Variants in CUBN observed in about 807,000 individuals in gnomAD.
CUBN encodes the protein 460 kDa receptor.
CUBN carries 282 observed loss-of-function variants against 405.3 expected under a neutral mutation model. The ratio of observed to expected loss-of-function variants is 0.70; its 90% CI spans 0.63 to 0.77. CUBN has a LOEUF of 0.77. CUBN is among the 30% of genes least tolerant of loss of function. The pLI is 0.00. For missense variants in CUBN, 4,514 were observed against 4,475.2 expected, an observed-to-expected ratio of 1.01 and a Z score of -0.25; for synonymous variants, 1,684 against 1,617.0, an observed-to-expected ratio of 1.04 and a Z score of -0.99.
At chr10:17,024,644 C>T (rs1300841284) in intron 27 of CUBN, among the ~76,000 whole-genome samples, 2 of 152,086 alleles carry the variant, frequency 1.3e-5, no homozygotes, top group Non-Finnish European at 2.9e-5. Context: ...GCTGAAACTA[C>T]AGGCATGCAG....
In CUBN at chr10:17,115,621, T is replaced by A. The variant is rs757931590; in HGVS notation, c.594-24A>T. Reference sequence around the variant, plus strand: ...AACTGTTGGTTACACAAGAGCACAATGTCAGGGCACGCGCTTTGGGGCCAG... The same window carrying A: ...AACTGTTGGTTACACAAGAGCACAAAGTCAGGGCACGCGCTTTGGGGCCAG... On this transcript the variant is annotated intron_variant, in intron 6 of 66. Coordinates refer to ENST00000377833, the MANE Select transcript of CUBN (RefSeq NM_001081.4). 26 of 1,613,932 alleles carry A rather than the reference T, an allele frequency of 1.6e-5. 1 individual carries two copies. In the Admixed American group the frequency reaches 4.3e-4, roughly 27 times the overall value.
chr10:17,086,625 T>G (rs1189385403), intron 15 of CUBN, among the ~76,000 whole-genome samples: 2 of 152,354 alleles, frequency 1.3e-5, no homozygotes, highest in East Asian at 3.9e-4. Flanking sequence ...GATGTAATCA[T>G]GTCAATCTCT....
At chr10:16,954,350 G>A in intron 32 of CUBN, 39 bp downstream of exon 32, 2 of 1,612,734 alleles carry the variant, frequency 1.2e-6, no homozygotes, top group Non-Finnish European at 1.7e-6. Context: ...GAGCACTGAA[G>A]ATTTCTCTTG....
chr10:16,835,227 GCA>G, intron 63 of CUBN, 32 bp from the exon 64 acceptor site: 1 of 1,527,300 alleles, frequency 6.5e-7, no homozygotes, highest in South Asian at 1.1e-5. Context: ...ATTAATGTAC[GCA>G]TTCCAATATT....
chr10:16,890,381 G>A lies in CUBN; in HGVS notation c.8745C>T (p.Ser2915=). The A allele has an allele frequency of 6.2e-7, 1 of 1,613,124 alleles. No individual in the cohort carries two copies. Among genetic ancestry groups the A allele is most frequent in the Non-Finnish European group, 8.5e-7 (1 of 1,180,024 alleles). The change falls in exon 55 of 67, where the codon TCC becomes TCT. Residue 2915 remains serine, a synonymous_variant. Coordinates refer to ENST00000377833, the MANE Select transcript of CUBN (RefSeq NM_001081.4). The part of the protein sequence containing the change: ...QEAPAQGFSA[S]FVSRCGSNFT... ...CTTAGGGCTACTTACGGCTAACAAA[G>A]GACGCGGAGAAGCCCTGAGCTGGTG...
rs545480350 is a variant in CUBN at position 17,006,984 on chromosome 10, G to C, written c.4168+12849C>G. On this transcript the variant is annotated intron_variant, in intron 28 of 66. Coordinates refer to ENST00000377833, the MANE Select transcript of CUBN (RefSeq NM_001081.4). ...CTGCTCCTGCAAGCTCCCAGCTGAA[G>C]GGTTCGCTCCCTTTGCAAATGTCAC... 2.9e-4 allele frequency among the ~76,000 whole-genome samples: 44 copies of C among 152,262 alleles called. 2 individuals carry two copies. The South Asian group carries it at 9.1e-3, about 32-fold the overall frequency.
rs773120407 is a variant in CUBN, at chr10:17,103,165, T to C, written c.1490A>G (p.Asp497Gly). Residue 497 changes from aspartate to glycine, a missense_variant, in exon 13 of 67, where the codon GAT becomes GGT. This residue lies in a region of CUBN where 1,448 missense variants were observed against 1,388.0 expected (regional missense o/e 1.04). Transcript: ENST00000377833. ...TTTGATAACCCAGAAGCAGTTAACA[T>C]CATGAACATAACCAACATCCGGGCT... is the stretch of plus-strand genomic sequence containing the variant. Reference protein sequence around the residue: ...YRSPDVGYVHDVNCFWVIKTE... With the variant: ...YRSPDVGYVHGVNCFWVIKTE... The C allele has an allele frequency of 6.2e-7, 1 of 1,613,942 alleles. No homozygotes were observed. Among genetic ancestry groups the C allele is most frequent in the South Asian group, 1.1e-5 (1 of 91,078 alleles).
At chr10:16,902,547 T>G (rs1841426730) in intron 51 of CUBN, among the ~76,000 whole-genome samples, 1 of 151,994 alleles carries the variant, frequency 6.6e-6, no homozygotes, top group Admixed American at 6.6e-5. Context: ...GAAACCTGAC[T>G]CTTCTTTGAA....
chr10:16,952,818 C>T (rs1370360384), intron 32 of CUBN, among the ~76,000 whole-genome samples: 5 of 152,040 alleles, frequency 3.3e-5, no homozygotes, highest in African/African-American at 4.8e-5. Flanking sequence ...GAGCAAAATT[C>T]GATGTGAGTC....
chr10:16,921,692 T>C (rs1235387575), intron 43 of CUBN, among the ~76,000 whole-genome samples: 1 of 152,244 alleles, frequency 6.6e-6, no homozygotes, highest in Non-Finnish European at 1.5e-5. Flanking sequence ...TCTCCAGGGC[T>C]TCCCTGACAT....
At chr10:16,977,468 T>C (rs953503615) in intron 31 of CUBN, among the ~76,000 whole-genome samples, 1 of 151,998 alleles carries the variant, frequency 6.6e-6, no homozygotes, top group Non-Finnish European at 1.5e-5. Flanking sequence ...AAAGAAGAAA[T>C]CGGCCATGGG....
intron 46 of CUBN, 53 bp from the exon 47 acceptor site, chr10:16,915,225 C>G: frequency 6.2e-7 from 1 of 1,609,386 alleles, no homozygotes; most frequent in Non-Finnish European, 8.5e-7. Context: ...ATTTCCTTTA[C>G]CCTCTATTCA....
At chr10:16,970,592 A>AG in intron 31 of CUBN, among the ~76,000 whole-genome samples, 1 of 151,434 alleles carries the variant, frequency 6.6e-6, no homozygotes, top group East Asian at 1.9e-4. Context: ...AAAAAAAAAA[A>AG]TCAAAGTGGC....
At chr10:17,016,091 T>G (rs2131774369) in intron 28 of CUBN, among the ~76,000 whole-genome samples, 1 of 152,278 alleles carries the variant, frequency 6.6e-6, no homozygotes, top group African/African-American at 2.4e-5. Flanking sequence ...GGTAATAAAC[T>G]TATCTTTTAG....
chr10:17,057,484 C>T (rs994090734), intron 22 of CUBN, among the ~76,000 whole-genome samples: 1 of 152,020 alleles, frequency 6.6e-6, no homozygotes, highest in African/African-American at 2.4e-5. Context: ...TCAGAATTGT[C>T]AATCATATAG....
At chr10:16,928,532 C>CCCCCCTTTT (rs1403918589) in intron 40 of CUBN, among the ~76,000 whole-genome samples, 7 of 107,120 alleles carry the variant, frequency 6.5e-5, no homozygotes, top group African/African-American at 1.1e-4. Flanking sequence ...CCACCCCCCC[C>CCCCCCTTTT]TTTTTTTTTT....
intron 14 of CUBN, among the ~76,000 whole-genome samples, chr10:17,095,277 G>C (rs1288258822): frequency 1.3e-5 from 2 of 151,762 alleles, no homozygotes; most frequent in Non-Finnish European, 2.9e-5. Flanking sequence ...TAAACATAAG[G>C]CCTAAAACTG....
chr10:16,987,490 G>A (rs1311147873), intron 29 of CUBN, among the ~76,000 whole-genome samples: 1 of 152,048 alleles, frequency 6.6e-6, no homozygotes, highest in Non-Finnish European at 1.5e-5. Flanking sequence ...AGCATTCCGG[G>A]GTTATGAGTA....
At chr10:16,922,235 CA>C (rs1487377867) in intron 43 of CUBN, among the ~76,000 whole-genome samples, 1 of 152,056 alleles carries the variant, frequency 6.6e-6, no homozygotes, top group Non-Finnish European at 1.5e-5. Flanking sequence ...TCCACCCAGC[CA>C]AAAACCTAAC....
Sources: gnomAD v4.1 joint callset for allele counts (sites outside exome capture counted in the v4.1 genomes callset) on GRCh38, gnomAD v4.1.1 for gene constraint, gnomAD v4.1.1 regional missense constraint, MANE v1.5 for transcripts, NCBI Gene and HGNC (gene_info 2026-07-23, HGNC 2026-07-21) for gene names.